Variants in CERT1 observed in about 807,000 individuals in gnomAD.
CERT1 encodes ceramide transfer protein.
CERT1 carries 31 observed loss-of-function variants against 87.9 expected under a neutral mutation model. The observed-to-expected ratio is 0.35, with a 90% confidence interval of 0.27 to 0.48. The LOEUF is 0.48. Among genes scored for constraint, CERT1 ranks in the 20% least tolerant of loss-of-function variants. The pLI, the probability that CERT1 is intolerant of heterozygous loss-of-function variation, is 0.99. For missense variants in CERT1, 487 were observed against 758.0 expected (o/e 0.64, Z 4.20); for synonymous variants, 289 against 250.9 (o/e 1.15, Z -1.44).
Position 75,425,247 on chromosome 5 carries a change from C to T in CERT1, c.595+114G>A. The T allele has an allele frequency of 3.0e-6, 3 of 990,832 alleles. 1 individual carries two copies. In the South Asian group the frequency reaches 5.6e-5, roughly 19 times the overall value. The allele number at this position is 990,832 out of a possible 1,614,324, so 61.4% of individuals were successfully genotyped here. ...TGAAATCTGTTTCACTGGGGGTTTGCAGCAAAAAATGACTATAAACACCTT... is the reference window on the plus strand; with the variant it reads ...TGAAATCTGTTTCACTGGGGGTTTGTAGCAAAAAATGACTATAAACACCTT... On this transcript the variant is annotated intron_variant, in intron 5 of 16. Coordinates refer to ENST00000643780, the MANE Select transcript of CERT1 (RefSeq NM_001379029.1).
At chr5:75,477,618 T>G (rs1278583856) in intron 2 of CERT1, among the ~76,000 whole-genome samples, 4 of 138,850 alleles carry the variant, frequency 2.9e-5, no homozygotes, top group Middle Eastern at 4.3e-3. Context: ...AGAAGGTCAC[T>G]TCAATGAGAG....
intron 3 of CERT1, 37 bp downstream of exon 3, chr5:75,459,028 T>C: frequency 8.5e-7 from 1 of 1,181,934 alleles, no homozygotes; most frequent in Non-Finnish European, 1.3e-6. Flanking sequence ...ATCTCTTACC[T>C]AGTCCTCCAT....
intron 2 of CERT1, among the ~76,000 whole-genome samples, chr5:75,496,200 GA>G (rs1767058361): frequency 6.6e-6 from 1 of 150,492 alleles, no homozygotes; most frequent in Non-Finnish European, 1.5e-5. Context: ...CAAATGAAAA[GA>G]TGTGCAACAT....
chr5:75,377,741 A>C (rs1761381009), downstream of CERT1: 1 of 152,226 alleles, frequency 6.6e-6, no homozygotes, highest in African/African-American at 2.4e-5. Flanking sequence ...TTAATACTAT[A>C]TGGTGAATGC....
At chr5:75,481,913 A>C (rs1005728560) in intron 2 of CERT1, among the ~76,000 whole-genome samples, 1 of 152,222 alleles carries the variant, frequency 6.6e-6, no homozygotes, top group Non-Finnish European at 1.5e-5. Context: ...TATGAATCAC[A>C]ATCTAGTAGG....
chr5:75,369,253 G>A (rs1257655962), intron 17 of CERT1: 1 of 152,070 alleles, frequency 6.6e-6, no homozygotes, highest in African/African-American at 2.4e-5. Context: ...TTCCATATAT[G>A]ACTGGTTTAT....
chr5:75,503,839 T>TAAATG (rs1767501911), intron 2 of CERT1, among the ~76,000 whole-genome samples: 2 of 147,010 alleles, frequency 1.4e-5, no homozygotes, highest in Admixed American at 6.8e-5. Context: ...AAATTTAAAT[T>TAAATG]TTTTGTTTAA....
At chr5:75,419,613 AAAATCT>A (rs1421988033) in intron 5 of CERT1, among the ~76,000 whole-genome samples, 189 bp from the exon 6 acceptor site, 1 of 152,174 alleles carries the variant, frequency 6.6e-6, no homozygotes, top group Admixed American at 6.5e-5. Flanking sequence ...TTTAAAGAAC[AAAATCT>A]TAATCTCTCT....
intron 2 of CERT1, 152 bp downstream of exon 2, chr5:75,505,830 T>A (rs1030953858): frequency 1.9e-6 from 1 of 517,634 alleles, no homozygotes; most frequent in African/African-American, 2.0e-5. Context: ...CACAGTAAAA[T>A]CACTTTATGG....
chr5:75,381,252 T>G, intron 15 of CERT1, 51 bp from the exon 16 acceptor site: 1 of 1,605,310 alleles, frequency 6.2e-7, no homozygotes, highest in South Asian at 1.1e-5. Flanking sequence ...TTTTGTAAAC[T>G]CTGCTGGTCT....
At chr5:75,492,120 G>A (rs1023558564) in intron 2 of CERT1, among the ~76,000 whole-genome samples, 1 of 152,126 alleles carries the variant, frequency 6.6e-6, no homozygotes, top group Admixed American at 6.6e-5. Flanking sequence ...AAGGCTGGAG[G>A]ACTGCTTGAG....
chr5:75,477,783 A>C (rs1766036482), intron 2 of CERT1, among the ~76,000 whole-genome samples: 1 of 152,100 alleles, frequency 6.6e-6, no homozygotes, highest in South Asian at 2.1e-4. Context: ...AAGGATTAAC[A>C]GTAACTACCT....
In CERT1 at chr5:75,399,385, G is replaced by C. The variant is rs1762379589; in HGVS notation, c.1113C>G (p.Pro371=). The stretch of plus-strand genomic sequence containing the variant: ...AAGACATGGAGGAAGAGCGACTATA[G>C]GGCTACCAGAGACAGACAAAGAAAA... ...SVGTHRFVQK[P]YSRSSSMSSI... The change falls in exon 11 of 17, where the codon CCC becomes CCG. Residue 371 remains proline, a splice_region_variant and synonymous_variant. Transcript: ENST00000643780. 1.2e-6 allele frequency: 2 copies of C among 1,611,682 alleles called. No homozygotes were observed. The highest frequency in any genetic ancestry group is 1.7e-6 in the Non-Finnish European group (2 of 1,178,220).
chr5:75,476,638 A>G (rs1765965357), intron 2 of CERT1, among the ~76,000 whole-genome samples: 1 of 152,184 alleles, frequency 6.6e-6, no homozygotes, highest in Non-Finnish European at 1.5e-5. Context: ...ATTCTATTTA[A>G]AGGCTTGAAA....
At chr5:75,399,193 T>A (rs913075510) in intron 11 of CERT1, 117 bp downstream of exon 11, 4 of 726,380 alleles carry the variant, frequency 5.5e-6, no homozygotes. Context: ...TTAATGTTAC[T>A]ATTTAAAATT....
chr5:75,387,931 G>A (rs929740305), intron 12 of CERT1, among the ~76,000 whole-genome samples: 1 of 152,078 alleles, frequency 6.6e-6, no homozygotes, highest in African/African-American at 2.4e-5. Context: ...CAGGTAGAGG[G>A]ACGTCATCCA....
At chr5:75,459,962 CA>C (rs753591061) in intron 2 of CERT1, among the ~76,000 whole-genome samples, 783 of 25,548 alleles carry the variant, frequency 0.031, 4 homozygotes, top group African/African-American at 0.093. Context: ...TCCTCCGTCT[CA>C]AAAAAAAAAA....
chr5:75,408,028 ACT>A (rs1357021706), intron 8 of CERT1, among the ~76,000 whole-genome samples: 1 of 152,024 alleles, frequency 6.6e-6, no homozygotes. Flanking sequence ...CAAAACTGAA[ACT>A]CTGTTCCCAT....
rs1009387161 is a variant in CERT1, at chr5:75,505,955, G to A, written c.231+27C>T. 9.5e-6 allele frequency: 15 copies of A among 1,584,616 alleles called. No homozygotes were observed. In the Admixed American group the frequency reaches 1.8e-4, roughly 19 times the overall value. ...TGTAGCTGACACTCAATAAATATTT[G>A]TTGAATGAAGAAGAAAAGGAACTTA... On this transcript the variant is annotated intron_variant, in intron 2 of 16. Transcript: ENST00000643780.
Sources: allele counts gnomAD v4.1 joint callset (sites outside exome capture counted in the v4.1 genomes callset), GRCh38; gene constraint gnomAD v4.1.1; transcripts MANE v1.5; gene names NCBI Gene and HGNC (gene_info 2026-07-23, HGNC 2026-07-21).